UPB1: variants seen among roughly 807,000 people sequenced by gnomAD.
The protein encoded by UPB1 is beta-ureidopropionase 1.
UPB1 carries 40 observed loss-of-function variants against 49.1 expected under a neutral mutation model. The ratio of observed to expected loss-of-function variants is 0.81; its 90% confidence interval spans 0.63 to 1.06. The LOEUF (loss-of-function observed/expected upper bound fraction) is 1.06, where lower values mean the gene tolerates loss of function less well. Among genes scored for constraint, UPB1 ranks in the 50% least tolerant of loss-of-function variants. The probability of loss-of-function intolerance (pLI) is 0.00; values close to 1 mark genes in which losing one functional copy is unlikely to be tolerated. For synonymous variants in UPB1, 207 were observed against 198.2 expected, an observed-to-expected ratio of 1.04 and a Z score of -0.38; for missense variants, 499 against 505.9, an observed-to-expected ratio of 0.99 and a Z score of 0.13.
intron 3 of UPB1, among the ~76,000 whole-genome samples, chr22:24,509,090 C>A (rs1255845786): frequency 6.6e-6 from 1 of 152,160 alleles, no homozygotes; most frequent in African/African-American, 2.4e-5. Context: ...GTGAGGGGTT[C>A]AGCCTCACCG....
At chr22:24,521,127 A>G (rs1480254801) in intron 7 of UPB1, among the ~76,000 whole-genome samples, 1 of 147,990 alleles carries the variant, frequency 6.8e-6, no homozygotes, top group Non-Finnish European at 1.5e-5. Flanking sequence ...GGTTGCAGTA[A>G]GCCAGGATCG....
intron 6 of UPB1, 188 bp from the exon 7 acceptor site, chr22:24,520,199 G>C: frequency 1.5e-6 from 1 of 673,322 alleles, no homozygotes; most frequent in Non-Finnish European, 2.6e-6. Context: ...CTGGTTGCAG[G>C]TTTGGGGTGT....
At chr22:24,505,949 G>A (rs1007714485) in intron 3 of UPB1, among the ~76,000 whole-genome samples, 5 of 151,544 alleles carry the variant, frequency 3.3e-5, no homozygotes, top group Non-Finnish European at 5.9e-5. Context: ...CTGACCTCAG[G>A]TGATCCACCC....
rs1486235111 is a variant in UPB1, at chr22:24,526,800, A to G, written c.*1006A>G. Reference sequence around the variant, plus strand: ...TGGTAGTCCATGGCATGGTGCAGCAATAGTTATTTATGTGCGAGACTAGCC... The same window carrying G: ...TGGTAGTCCATGGCATGGTGCAGCAGTAGTTATTTATGTGCGAGACTAGCC... On this transcript the variant is annotated 3_prime_UTR_variant, in exon 10 of 10. Transcript: ENST00000326010. The G allele has an allele frequency of 6.6e-6, 1 of 152,148 alleles. No individual in the cohort carries two copies. Among genetic ancestry groups the G allele is most frequent in the African/African-American group, 2.4e-5 (1 of 41,430 alleles). 9.4% of individuals were successfully genotyped at this position (152,148 alleles called of 1,614,324 possible).
chr22:24,511,438 A>C (rs962917497), intron 4 of UPB1, among the ~76,000 whole-genome samples: 4 of 151,818 alleles, frequency 2.6e-5, no homozygotes, highest in African/African-American at 9.7e-5. Flanking sequence ...GGGTGATGAA[A>C]ATGTTCTAAA....
intron 4 of UPB1, 34 bp downstream of exon 4, chr22:24,510,877 C>T (rs1245341545): frequency 6.2e-7 from 1 of 1,605,790 alleles, no homozygotes; most frequent in Admixed American, 1.7e-5. Context: ...GCAGCAGCTG[C>T]CAAATATGTG....
chr22:24,510,770 CGA>C lies in UPB1; in HGVS notation c.393_394del (p.Lys132AlafsTer8), dbSNP rs762811698. On this transcript the variant is annotated frameshift_variant, in exon 4 of 10. Transcript: ENST00000326010. LOFTEE classifies it high-confidence loss of function. ...ATAGCTATGCCCTTTGCCTTCTGTACGAGAGAGAAGCTTCCTTGGACAGAATT... is the reference window on the plus strand; with the variant it reads ...ATAGCTATGCCCTTTGCCTTCTGTACGAGAGAAGCTTCCTTGGACAGAATT... 1 of 1,614,114 alleles carries C rather than the reference CGA, an allele frequency of 6.2e-7. No homozygotes were observed. The highest frequency in any genetic ancestry group is 8.5e-7 in the Non-Finnish European group (1 of 1,180,000).
In UPB1 at chr22:24,496,406, C is replaced by CACACACACACAT. The variant is rs1811513099; in HGVS notation, c.104+910_104+911insTACACACACACA. On this transcript the variant is annotated intron_variant, in intron 1 of 9. Transcript: ENST00000326010. ...ACACACACACACACACACACACATACACACACACACACACACACACGTCTT... is the reference window on the plus strand; with the variant it reads ...ACACACACACACACACACACACATACACACACACACATACACACACACACACACACACGTCTT... 7.8e-5 allele frequency among the ~76,000 whole-genome samples: 10 copies of CACACACACACAT among 129,026 alleles called. 1 individual carries two copies. The highest frequency in any genetic ancestry group is 3.2e-4 in the African/African-American group (10 of 31,332). 84.6% of individuals were successfully genotyped at this position (129,026 alleles called of 152,430 possible).
At chr22:24,514,732 C>T (rs1415182322) in intron 5 of UPB1, among the ~76,000 whole-genome samples, 3 of 152,160 alleles carry the variant, frequency 2.0e-5, no homozygotes, top group African/African-American at 2.4e-5. Flanking sequence ...ATCATTTGGG[C>T]GAGCTATGCC....
chr22:24,520,367 C>T lies in UPB1; in HGVS notation c.792-20C>T, dbSNP rs376856522. 1.2e-5 allele frequency: 19 copies of T among 1,613,676 alleles called. No individual in the cohort carries two copies. In the East Asian group the frequency reaches 4.2e-4, roughly 36 times the overall value. ...GCCTGGAAAGTCGGCAACCTGGTTCCTCTTGGTCCTCTCTTACAGCGAGTC... is the reference window on the plus strand; with the variant it reads ...GCCTGGAAAGTCGGCAACCTGGTTCTTCTTGGTCCTCTCTTACAGCGAGTC... On this transcript the variant is annotated intron_variant, in intron 6 of 9. Transcript: ENST00000326010.
In UPB1 at chr22:24,509,530, G is replaced by C. The variant is rs2044158611; in HGVS notation, c.365-1219G>C. Among the ~76,000 whole-genome samples, 3 of 152,038 alleles carry C rather than the reference G, an allele frequency of 2.0e-5. No homozygotes were observed. The South Asian group carries it at 6.2e-4, about 32-fold the overall frequency. ...TCCAGTGGTTCCCAAACTTTTTGTG[G>C]GATCATTAATGAGTAGCTTTTCTTA... On this transcript the variant is annotated intron_variant, in intron 3 of 9. Transcript: ENST00000326010.
chr22:24,505,089 T>C (rs1204441195), intron 3 of UPB1, among the ~76,000 whole-genome samples: 1 of 152,088 alleles, frequency 6.6e-6, no homozygotes, highest in East Asian at 1.9e-4. Flanking sequence ...ATCTGATTTG[T>C]CAGTCAGCCC....
chr22:24,517,556 G>A (rs759437810), intron 6 of UPB1, among the ~76,000 whole-genome samples: 1 of 152,238 alleles, frequency 6.6e-6, no homozygotes, highest in African/African-American at 2.4e-5. Context: ...TCCTCGCCTT[G>A]TGTGTGCAGA....
intron 9 of UPB1, among the ~76,000 whole-genome samples, chr22:24,525,124 C>T (rs1235494058): frequency 1.3e-5 from 2 of 152,046 alleles, no homozygotes; most frequent in African/African-American, 4.8e-5. Flanking sequence ...TCTCATTAGA[C>T]ACTTCTTAGA....
intron 3 of UPB1, chr22:24,502,673 C>T: frequency 1.6e-6 from 1 of 611,092 alleles, no homozygotes; most frequent in Non-Finnish European, 2.9e-6. Flanking sequence ...TGTACAAGGT[C>T]TGTTACCAAA....
At chr22:24,515,986 CAAAACAAAACGAA>C (rs972454800) in intron 6 of UPB1, among the ~76,000 whole-genome samples, 8 of 139,412 alleles carry the variant, frequency 5.7e-5, no homozygotes, top group Admixed American at 4.7e-4. Flanking sequence ...AAAAATAAAA[CAAAACAAAACGAA>C]AAAACAAAAA....
At chr22:24,522,100 C>T in intron 8 of UPB1, 72 bp downstream of exon 8, 1 of 1,560,968 alleles carries the variant, frequency 6.4e-7, no homozygotes, top group South Asian at 1.1e-5. Context: ...TCTGCTTCCT[C>T]CAGTCAGGAT....
rs1375030109 is a variant in UPB1 at position 24,527,076 on chromosome 22, T to C, written c.*1282T>C. The C allele has an allele frequency of 1.3e-5, 2 of 152,134 alleles. No homozygotes were observed. Among genetic ancestry groups the C allele is most frequent in the Non-Finnish European group, 2.9e-5 (2 of 68,028 alleles). 9.4% of individuals were successfully genotyped at this position (152,134 alleles called of 1,614,324 possible). On this transcript the variant is annotated 3_prime_UTR_variant, in exon 10 of 10. Transcript: ENST00000326010. ...ATCTGTAAAATGGGACTGGGCCAGG[T>C]GTGGTGGGGTGGCTTATGCCTGTGA...
At chr22:24,508,795 C>T (rs1468556901) in intron 3 of UPB1, among the ~76,000 whole-genome samples, 6 of 151,726 alleles carry the variant, frequency 4.0e-5, no homozygotes, top group African/African-American at 1.2e-4. Context: ...GCAGAAGAAT[C>T]GCTTGAACCC....
Sources: gnomAD v4.1 joint callset for allele counts (sites outside exome capture counted in the v4.1 genomes callset) on GRCh38, gnomAD v4.1.1 for gene constraint, MANE v1.5 for transcripts, NCBI Gene and HGNC (gene_info 2026-07-23, HGNC 2026-07-21) for gene names.